PGAP1: variants seen among roughly 807,000 people sequenced by gnomAD.
PGAP1 encodes post-GPI attachment to proteins inositol deacylase 1.
Under a neutral mutation model 127.0 loss-of-function variants are expected in PGAP1, and 76 were observed. The observed-to-expected ratio is 0.60, with a 90% CI of 0.50 to 0.72. The LOEUF (loss-of-function observed/expected upper bound fraction) is 0.72, where lower values mean the gene tolerates loss of function less well. Among genes scored for constraint, PGAP1 ranks in the 30% least tolerant of loss-of-function variants. The pLI, the probability that PGAP1 is intolerant of heterozygous loss-of-function variation, is 0.00. For missense variants in PGAP1, 982 were observed against 1,071.3 expected (o/e 0.92, Z 1.16); for synonymous variants, 362 against 366.5 (o/e 0.99, Z 0.14).
chr2:196,889,056 T>A (rs899873306), intron 10 of PGAP1, among the ~76,000 whole-genome samples: 8 of 152,192 alleles, frequency 5.3e-5, no homozygotes, highest in Admixed American at 4.6e-4. Context: ...AAGATTTTTT[T>A]AAAATTCACA....
At chr2:196,861,686 A>ACAGTCC (rs1701070422) in intron 20 of PGAP1, among the ~76,000 whole-genome samples, 1 of 152,096 alleles carries the variant, frequency 6.6e-6, no homozygotes, top group Non-Finnish European at 1.5e-5. Flanking sequence ...GAAGTCAGGG[A>ACAGTCC]CCCCAAATGG....
At position 196,913,299 on chromosome 2, in the gene PGAP1, T is replaced by C. The variant is rs188668218; in HGVS notation, c.478-246A>G. Among the ~76,000 whole-genome samples the C allele has an allele frequency of 1.4e-3, 210 of 152,304 alleles. 1 individual carries two copies. Among genetic ancestry groups the C allele is most frequent in the African/African-American group, 4.9e-3 (202 of 41,578 alleles). Reference sequence around the variant, plus strand: ...TTTCTGGGCCAAGAGGAACAGTTGGTCTAGCAAATCATGTTTATACTGTTG... The same window carrying C: ...TTTCTGGGCCAAGAGGAACAGTTGGCCTAGCAAATCATGTTTATACTGTTG... On this transcript the variant is annotated intron_variant, in intron 3 of 26. Coordinates refer to ENST00000354764, the MANE Select transcript of PGAP1 (RefSeq NM_024989.4).
intron 4 of PGAP1, 64 bp downstream of exon 4, chr2:196,912,818 A>C (rs1473107719): frequency 2.1e-6 from 3 of 1,431,934 alleles, no homozygotes. Context: ...GAATAGCCAC[A>C]GAGATTGATT....
At chr2:196,895,296 GTTTTATGTCCAAT>G (rs929507378) in intron 7 of PGAP1, among the ~76,000 whole-genome samples, 2 of 152,084 alleles carry the variant, frequency 1.3e-5, no homozygotes, top group African/African-American at 4.8e-5. Context: ...ATTGAAATTA[GTTTTATGTCCAAT>G]TTTTTTAGGA....
rs1002173229 is a variant in PGAP1 at position 196,839,924 on chromosome 2, G to A, written c.*1310C>T. 2.0e-5 allele frequency: 3 copies of A among 152,208 alleles called. No homozygotes were observed. Among genetic ancestry groups the A allele is most frequent in the Non-Finnish European group, 4.4e-5 (3 of 68,060 alleles). 9.4% of individuals were successfully genotyped at this position (152,208 alleles called of 1,614,324 possible). ...GGAATCACTAAAACTTTAGTTGAGA[G>A]GATTTGGGCATTTACAGTCTACACA... On this transcript the variant is annotated 3_prime_UTR_variant, in exon 27 of 27. Coordinates refer to ENST00000354764, the MANE Select transcript of PGAP1 (RefSeq NM_024989.4).
In PGAP1 at chr2:196,835,871, G is replaced by A. The variant is rs911774863; in HGVS notation, c.*5363C>T. 6.6e-6 allele frequency: 1 copy of A among 152,048 alleles called. No homozygotes were observed. Among genetic ancestry groups the A allele is most frequent in the African/African-American group, 2.4e-5 (1 of 41,396 alleles). 9.4% of individuals were successfully genotyped at this position (152,048 alleles called of 1,614,324 possible). A position where few individuals can be genotyped will look rare whatever the true frequency, so the allele number is the denominator to read the frequency against. ...ATATGAAACAGAACGAGTGCAACAC[G>A]AAATACAAAATATGCCTATCATGTA... On this transcript the variant is annotated 3_prime_UTR_variant, in exon 27 of 27. Transcript: ENST00000354764.
chr2:196,902,501 C>A, intron 5 of PGAP1, 84 bp downstream of exon 5: 1 of 1,197,906 alleles, frequency 8.3e-7, no homozygotes, highest in Non-Finnish European at 1.2e-6. Context: ...CAGTCATTAC[C>A]ATGCAGCTAT....
chr2:196,906,004 G>A (rs1002747562), intron 4 of PGAP1, among the ~76,000 whole-genome samples: 1 of 74,824 alleles, frequency 1.3e-5, no homozygotes, highest in African/African-American at 5.0e-5. Flanking sequence ...CAAACTGCAA[G>A]GCGGCAACGA....
intron 1 of PGAP1, among the ~76,000 whole-genome samples, chr2:196,924,232 T>C (rs993155810): frequency 6.6e-6 from 1 of 151,866 alleles, no homozygotes; most frequent in Non-Finnish European, 1.5e-5. Flanking sequence ...CTAAAGAAGA[T>C]GCAAATGAGC....
At position 196,926,685 on chromosome 2, in the gene PGAP1, C is replaced by T. The variant is rs1703377583; in HGVS notation, c.-69G>A. 6.2e-7 allele frequency: 1 copy of T among 1,605,204 alleles called. No individual in the cohort carries two copies. The highest frequency in any genetic ancestry group is 2.2e-5 in the East Asian group (1 of 44,786). On this transcript the variant is annotated 5_prime_UTR_variant, in exon 1 of 27. Coordinates refer to ENST00000354764, the MANE Select transcript of PGAP1 (RefSeq NM_024989.4). ...CCTTCTCCGCCGCGGGGCCCCAAGC[C>T]CGGACTGAGCGTGCTAGACACTGTC... is the stretch of plus-strand genomic sequence containing the variant.
intron 20 of PGAP1, among the ~76,000 whole-genome samples, chr2:196,852,643 T>C (rs1700756156): frequency 6.6e-6 from 1 of 151,864 alleles, no homozygotes; most frequent in South Asian, 2.1e-4. Context: ...TGTTTCAAAA[T>C]ATAGATTTAG....
chr2:196,884,956 G>A (rs1461226336), intron 12 of PGAP1, among the ~76,000 whole-genome samples: 1 of 152,128 alleles, frequency 6.6e-6, no homozygotes, highest in Non-Finnish European at 1.5e-5. Context: ...AATCCCTGCT[G>A]TGACTTATCA....
chr2:196,871,645 T>C (rs1701414665), intron 18 of PGAP1, among the ~76,000 whole-genome samples: 1 of 152,178 alleles, frequency 6.6e-6, no homozygotes. Context: ...ATAAATTCCA[T>C]GAAATCTAAA....
intron 1 of PGAP1, among the ~76,000 whole-genome samples, chr2:196,925,725 G>C (rs994416147): frequency 1.3e-5 from 2 of 152,168 alleles, no homozygotes; most frequent in South Asian, 2.1e-4. Flanking sequence ...AATAGATTTT[G>C]TATGCAACTA....
intron 20 of PGAP1, among the ~76,000 whole-genome samples, chr2:196,853,281 C>T (rs1384062181): frequency 6.6e-6 from 1 of 152,218 alleles, no homozygotes; most frequent in Non-Finnish European, 1.5e-5. Flanking sequence ...TCTAACTGTA[C>T]TGTTATGGCC....
intron 20 of PGAP1, among the ~76,000 whole-genome samples, chr2:196,851,524 C>T (rs1215972582): frequency 6.6e-6 from 1 of 152,136 alleles, no homozygotes; most frequent in Non-Finnish European, 1.5e-5. Flanking sequence ...ACTCCTGTTC[C>T]AATACCCTAT....
At chr2:196,925,794 A>T (rs1317061708) in intron 1 of PGAP1, among the ~76,000 whole-genome samples, 1 of 152,190 alleles carries the variant, frequency 6.6e-6, no homozygotes, top group Non-Finnish European at 1.5e-5. Flanking sequence ...CACACAGGCA[A>T]GCCCACACAC....
At position 196,835,646 on chromosome 2, in the gene PGAP1, T is replaced by TA. The variant is rs1700218113; in HGVS notation, c.*5587_*5588insT. The TA allele has an allele frequency of 6.6e-6, 1 of 152,510 alleles. No individual in the cohort carries two copies. Among genetic ancestry groups the TA allele is most frequent in the South Asian group, 2.1e-4 (1 of 4,834 alleles). The allele number at this position is 152,510 out of a possible 1,614,324, so 9.4% of individuals were successfully genotyped here. A position where few individuals can be genotyped will look rare whatever the true frequency, so the allele number is the denominator to read the frequency against. On this transcript the variant is annotated 3_prime_UTR_variant, in exon 27 of 27. Transcript: ENST00000354764. ...TGAAACATACTGAAAAGATTATTTT[T>TA]GCTTTAATCCTAATATGCTAAGAAA...
chr2:196,838,713 T>G lies in PGAP1; in HGVS notation c.*2521A>C, dbSNP rs1457263716. The G allele has an allele frequency of 6.6e-6, 1 of 152,188 alleles. No individual in the cohort carries two copies. The highest frequency in any genetic ancestry group is 2.4e-5 in the African/African-American group (1 of 41,448). 9.4% of individuals were successfully genotyped at this position (152,188 alleles called of 1,614,324 possible). A position where few individuals can be genotyped will look rare whatever the true frequency, so the allele number is the denominator to read the frequency against. The stretch of plus-strand genomic sequence containing the variant: ...GATAACTACATTCCCATGAAAATAT[T>G]TGAGTGAGAATTAGTGTACCTAGTC... On this transcript the variant is annotated 3_prime_UTR_variant, in exon 27 of 27. Coordinates refer to ENST00000354764, the MANE Select transcript of PGAP1 (RefSeq NM_024989.4).
Sources: gnomAD v4.1 joint callset for allele counts (sites outside exome capture counted in the v4.1 genomes callset) on GRCh38, gnomAD v4.1.1 for gene constraint, MANE v1.5 for transcripts, NCBI Gene and HGNC (gene_info 2026-07-23, HGNC 2026-07-21) for gene names.